RARS2: variants seen among roughly 807,000 people sequenced by gnomAD.
The protein encoded by RARS2 is arginyl-tRNA synthetase 2, mitochondrial.
Under a neutral mutation model 88.5 loss-of-function variants are expected in RARS2, and 67 were observed. The ratio of observed to expected loss-of-function variants is 0.76; its 90% CI spans 0.62 to 0.93. The LOEUF is 0.93. RARS2 is among the 40% of genes least tolerant of loss of function. The pLI, the probability that RARS2 is intolerant of heterozygous loss-of-function variation, is 0.00. For synonymous variants in RARS2, 239 were observed against 230.3 expected (o/e 1.04, Z -0.34); for missense variants, 664 against 684.2 (o/e 0.97, Z 0.33).
intron 16 of RARS2, 134 bp from the exon 17 acceptor site, chr6:87,518,398 A>G (rs1408262956): frequency 2.0e-6 from 3 of 1,530,728 alleles, no homozygotes; most frequent in African/African-American, 1.4e-5. Context: ...TGGAGGTAAC[A>G]GTATATTTTT....
At chr6:87,572,189 T>C (rs766022815) in intron 1 of RARS2, among the ~76,000 whole-genome samples, 2 of 152,034 alleles carry the variant, frequency 1.3e-5, no homozygotes, top group Non-Finnish European at 2.9e-5. Context: ...GAATGAGCTA[T>C]AGTTTTCACA....
chr6:87,524,669 G>GT lies in RARS2; in HGVS notation c.879-18dup. 1 of 1,550,524 alleles carries GT rather than the reference G, an allele frequency of 6.4e-7. No homozygotes were observed. The highest frequency in any genetic ancestry group is 8.9e-7 in the Non-Finnish European group (1 of 1,123,008). ...GTTCCTTTTCTAGAAATTCGAAAAG[G>GT]TAACTCTGAAGCAACATAATAAATT... On this transcript the variant is annotated splice_polypyrimidine_tract_variant and intron_variant, in intron 10 of 19. Transcript: ENST00000369536.
chr6:87,576,080 G>A lies in RARS2; in HGVS notation c.37-6490C>T, dbSNP rs138089936. ...CTCCCAAAGTGCTGGGATTACAGGCGTGAGCCAATGCGCCCAGCTGGATAA... is the reference window on the plus strand; with the variant it reads ...CTCCCAAAGTGCTGGGATTACAGGCATGAGCCAATGCGCCCAGCTGGATAA... On this transcript the variant is annotated intron_variant, in intron 1 of 19. Coordinates refer to ENST00000369536, the MANE Select transcript of RARS2 (RefSeq NM_020320.5). Among the ~76,000 whole-genome samples, 270 of 140,446 alleles carry A rather than the reference G, an allele frequency of 1.9e-3. 18 individuals carry two copies. The highest frequency in any genetic ancestry group is 6.8e-3 in the African/African-American group (259 of 38,014). The allele number at this position is 140,446 out of a possible 152,430, so 92.1% of individuals were successfully genotyped here.
intron 11 of RARS2, 86 bp downstream of exon 11, chr6:87,524,471 G>A (rs900995067): frequency 4.8e-6 from 5 of 1,045,238 alleles, no homozygotes; most frequent in Non-Finnish European, 6.0e-6. Flanking sequence ...TGTGGAATCC[G>A]ATAATGCATA....
rs149078802 is a variant in RARS2, at chr6:87,542,099, T to C, written c.536-105A>G. Reference sequence around the variant, plus strand: ...ATAAAAAGACCAACCTGTCATATTATGTATCCTGAGAAGTATTACAAAACA... The same window carrying C: ...ATAAAAAGACCAACCTGTCATATTACGTATCCTGAGAAGTATTACAAAACA... On this transcript the variant is annotated intron_variant, in intron 7 of 19. Transcript: ENST00000369536. The C allele has an allele frequency of 2.0e-3, 1,740 of 858,778 alleles. 8 individuals carry two copies. The highest frequency in any genetic ancestry group is 0.019 in the African/African-American group (1,143 of 59,526). The allele number at this position is 858,778 out of a possible 1,614,324, so 53.2% of individuals were successfully genotyped here. A position where few individuals can be genotyped will look rare whatever the true frequency, so the allele number is the denominator to read the frequency against.
At chr6:87,542,838 T>C (rs574560880) in intron 7 of RARS2, among the ~76,000 whole-genome samples, 1 of 142,396 alleles carries the variant, frequency 7.0e-6, no homozygotes, top group South Asian at 2.5e-4. Context: ...GCGGGAGGGA[T>C]AGCATTAGGA....
At chr6:87,567,155 G>C (rs986470407) in intron 2 of RARS2, among the ~76,000 whole-genome samples, 1 of 152,238 alleles carries the variant, frequency 6.6e-6, no homozygotes, top group East Asian at 1.9e-4. Context: ...GGGAGGCTGA[G>C]GCAGGAGGAT....
intron 18 of RARS2, 49 bp downstream of exon 18, chr6:87,516,757 A>T (rs745556339): frequency 6.2e-7 from 1 of 1,605,878 alleles, no homozygotes; most frequent in Non-Finnish European, 8.5e-7. Context: ...AGATGAAAGA[A>T]AGGTCTCAAA....
At chr6:87,553,862 C>T (rs1381335456) in intron 5 of RARS2, among the ~76,000 whole-genome samples, 1 of 152,166 alleles carries the variant, frequency 6.6e-6, no homozygotes, top group African/African-American at 2.4e-5. Flanking sequence ...TATGTGTCTA[C>T]TCCATAGGAG....
rs376141548 is a variant in RARS2, at chr6:87,589,974, G to C, written c.-17C>G. The C allele has an allele frequency of 1.5e-5, 25 of 1,614,118 alleles. No homozygotes were observed. The highest frequency in any genetic ancestry group is 3.3e-5 in the South Asian group (3 of 91,096). ...GCACGCCATGTCCACCTCTACGGAA[G>C]TGCGCCGCAGTCCGCCAGTTCCGGC... is the stretch of plus-strand genomic sequence containing the variant. On this transcript the variant is annotated 5_prime_UTR_variant, in exon 1 of 20. Transcript: ENST00000369536.
intron 5 of RARS2, 27 bp from the exon 6 acceptor site, chr6:87,548,673 C>G (rs1315363417): frequency 6.2e-7 from 1 of 1,601,464 alleles, no homozygotes; most frequent in Non-Finnish European, 8.5e-7. Flanking sequence ...AAACATTTCT[C>G]TATTCTAAGA....
At position 87,516,887 on chromosome 6, in the gene RARS2, G is replaced by A. The variant is rs199515630; in HGVS notation, c.1512-7C>T. 2 of 1,613,528 alleles carry A rather than the reference G, an allele frequency of 1.2e-6. No homozygotes were observed. The highest frequency in any genetic ancestry group is 1.7e-6 in the Non-Finnish European group (2 of 1,179,682). On this transcript the variant is annotated splice_region_variant and splice_polypyrimidine_tract_variant and intron_variant, in intron 17 of 19. Coordinates refer to ENST00000369536, the MANE Select transcript of RARS2 (RefSeq NM_020320.5). ...ATAAAGCACCTCGTCGAACCTAAAA[G>A]ATGACAGGAACAGTGAACAGGAAAA...
At chr6:87,525,712 A>T (rs115860263) in intron 10 of RARS2, among the ~76,000 whole-genome samples, 2,389 of 152,124 alleles carry the variant, frequency 0.016, 67 homozygotes, top group African/African-American at 0.055. Context: ...ACGTCCAGTT[A>T]ATTTTTGTGT....
chr6:87,543,894 G>A (rs1350151565), intron 7 of RARS2, among the ~76,000 whole-genome samples: 1 of 152,110 alleles, frequency 6.6e-6, no homozygotes, highest in East Asian at 1.9e-4. Flanking sequence ...GATGCTCAGT[G>A]TTCCAAAACA....
intron 11 of RARS2, among the ~76,000 whole-genome samples, chr6:87,523,538 T>C (rs1381328044): frequency 1.3e-5 from 2 of 152,128 alleles, no homozygotes; most frequent in African/African-American, 2.4e-5. Context: ...AGTACAGGTG[T>C]TAAGGTAAAT....
chr6:87,521,579 G>C, intron 11 of RARS2, 55 bp from the exon 12 acceptor site: 1 of 1,379,620 alleles, frequency 7.2e-7, no homozygotes, highest in Non-Finnish European at 1.0e-6. Context: ...GGTAATAATT[G>C]GTCTTACCTA....
intron 1 of RARS2, among the ~76,000 whole-genome samples, chr6:87,575,492 C>T (rs1771202845): frequency 6.6e-6 from 1 of 152,090 alleles, no homozygotes; most frequent in Non-Finnish European, 1.5e-5. Flanking sequence ...AATTGTCTAT[C>T]CAAAATAATT....
At chr6:87,519,036 T>G (rs1315944789) in intron 14 of RARS2, 145 bp from the exon 15 acceptor site, 1 of 797,996 alleles carries the variant, frequency 1.3e-6, no homozygotes, top group Non-Finnish European at 2.1e-6. Context: ...TTTAGGCTAT[T>G]TTACCTTTGA....
intron 1 of RARS2, among the ~76,000 whole-genome samples, chr6:87,581,762 C>T (rs147335072): frequency 4.3e-4 from 66 of 152,224 alleles, no homozygotes; most frequent in African/African-American, 1.5e-3. Context: ...TCCCACCCCA[C>T]CCCCAACAAA....
Sources: gnomAD v4.1 joint callset for allele counts (sites outside exome capture counted in the v4.1 genomes callset) on GRCh38, gnomAD v4.1.1 for gene constraint, MANE v1.5 for transcripts, NCBI Gene and HGNC (gene_info 2026-07-23, HGNC 2026-07-21) for gene names.